The following GALNT13 variants were observed in gnomAD, a reference collection of about 807,000 sequenced individuals.
GALNT13 encodes UDP-GalNAc:polypeptide N-acetylgalactosaminyltransferase 13.
A neutral mutation model predicts 64.2 loss-of-function variants in GALNT13; 28 were observed. That is an observed-to-expected ratio of 0.44 (90% confidence interval 0.32 to 0.60). GALNT13 has a LOEUF of 0.60. Among genes scored for constraint, GALNT13 ranks in the 20% least tolerant of loss-of-function variants. The pLI, the probability that GALNT13 is intolerant of heterozygous loss-of-function variation, is 0.05. For synonymous variants in GALNT13, 214 were observed against 224.6 expected, an observed-to-expected ratio of 0.95 and a Z score of 0.42; for missense variants, 577 against 669.8, an observed-to-expected ratio of 0.86 and a Z score of 1.53.
At chr2:154,456,191 T>TGTTGTTGTTG (rs375591621), downstream of GALNT13, among the ~76,000 whole-genome samples, 30 of 146,344 alleles carry the variant, frequency 2.0e-4, no homozygotes, top group South Asian at 2.2e-4. Context: ...TTTGTTTTGT[T>TGTTGTTGTTG]TTGTTGTTGT....
chr2:153,652,769 C>T, the GALNT13 span, among the ~76,000 whole-genome samples: 1 of 152,094 alleles, frequency 6.6e-6, no homozygotes, highest in Non-Finnish European at 1.5e-5. Context: ...CTTTCTAGTT[C>T]CTTCACCATC....
chr2:153,792,353 G>A, the GALNT13 span, among the ~76,000 whole-genome samples: 6 of 151,928 alleles, frequency 3.9e-5, no homozygotes, highest in Non-Finnish European at 7.4e-5. Context: ...GATTTACATT[G>A]TTTTATGTAT....
At chr2:154,209,708 TTTCATG>T (rs1687661290) in intron 4 of GALNT13, among the ~76,000 whole-genome samples, 1 of 152,168 alleles carries the variant, frequency 6.6e-6, no homozygotes, top group Non-Finnish European at 1.5e-5. Flanking sequence ...AGAGGAATTA[TTTCATG>T]TTCCCTTTTT....
the GALNT13 span, among the ~76,000 whole-genome samples, chr2:153,262,466 A>C: frequency 6.6e-5 from 10 of 152,184 alleles, no homozygotes; most frequent in African/African-American, 2.2e-4. Context: ...CATCATCCTG[A>C]TACCAAAAAC....
the GALNT13 span, among the ~76,000 whole-genome samples, chr2:153,425,709 T>C: frequency 0.21 from 32,141 of 151,690 alleles, 3,644 homozygotes; most frequent in Non-Finnish European, 0.23. Context: ...AGTAAATAGT[T>C]ATTCTTGAAA....
the GALNT13 span, among the ~76,000 whole-genome samples, chr2:153,551,713 T>C: frequency 1.3e-5 from 2 of 152,200 alleles, no homozygotes; most frequent in Non-Finnish European, 2.9e-5. Flanking sequence ...GTGAGAGGGA[T>C]ATCAGGAATT....
At chr2:154,090,115 TATC>T (rs1255294720) in intron 3 of GALNT13, among the ~76,000 whole-genome samples, 1 of 152,082 alleles carries the variant, frequency 6.6e-6, no homozygotes, top group African/African-American at 2.4e-5. Flanking sequence ...GAGTACATAA[TATC>T]ATTGTGAAAG....
chr2:154,374,142 A>T (rs1412620307), intron 9 of GALNT13, among the ~76,000 whole-genome samples: 3 of 152,050 alleles, frequency 2.0e-5, no homozygotes, highest in African/African-American at 7.2e-5. Flanking sequence ...GACTTGGGAG[A>T]CTGAAACCTC....
At chr2:154,278,075 A>G (rs1691748920) in intron 8 of GALNT13, among the ~76,000 whole-genome samples, 1 of 152,194 alleles carries the variant, frequency 6.6e-6, no homozygotes, top group African/African-American at 2.4e-5. Flanking sequence ...TAAGTGGTCA[A>G]CCAAATTCTA....
the GALNT13 span, among the ~76,000 whole-genome samples, chr2:153,488,650 A>G: frequency 6.6e-6 from 1 of 152,164 alleles, no homozygotes; most frequent in Non-Finnish European, 1.5e-5. Flanking sequence ...GTTGAGTCCA[A>G]ATTCTGTAAG....
the GALNT13 span, among the ~76,000 whole-genome samples, chr2:153,399,705 T>C: frequency 3.3e-5 from 5 of 152,194 alleles, no homozygotes; most frequent in Admixed American, 6.5e-5. Flanking sequence ...GGGAGTTCAC[T>C]CATGATTTGG....
chr2:154,139,106 G>A (rs781068905), intron 3 of GALNT13, among the ~76,000 whole-genome samples: 1 of 151,906 alleles, frequency 6.6e-6, no homozygotes, highest in Non-Finnish European at 1.5e-5. Flanking sequence ...GGTCCTTAGA[G>A]ATGCCTATTC....
the GALNT13 span, among the ~76,000 whole-genome samples, chr2:153,631,633 C>G: frequency 6.6e-6 from 1 of 152,116 alleles, no homozygotes; most frequent in Admixed American, 6.5e-5. Flanking sequence ...CTGTTCATAT[C>G]CTTCACCCAC....
chr2:154,440,679 T>A (rs562321176), intron 12 of GALNT13, among the ~76,000 whole-genome samples: 1 of 152,252 alleles, frequency 6.6e-6, no homozygotes, highest in Non-Finnish European at 1.5e-5. Context: ...TTATATAGCT[T>A]AATTAAATTC....
At chr2:153,738,337 T>G in the GALNT13 span, among the ~76,000 whole-genome samples, 2 of 152,182 alleles carry the variant, frequency 1.3e-5, 1 homozygote, top group East Asian at 3.9e-4. Context: ...TGTCCCAACA[T>G]GGAAATTTGA....
intron 9 of GALNT13, among the ~76,000 whole-genome samples, chr2:154,356,561 A>C (rs555796881): frequency 6.6e-6 from 1 of 152,116 alleles, no homozygotes; most frequent in East Asian, 1.9e-4. Flanking sequence ...CATTTACACT[A>C]AATTATTCTA....
At chr2:154,247,565 AAG>A (rs1414971076) in intron 7 of GALNT13, among the ~76,000 whole-genome samples, 1 of 152,058 alleles carries the variant, frequency 6.6e-6, no homozygotes, top group Non-Finnish European at 1.5e-5. Flanking sequence ...GAAGATAACT[AAG>A]AGGTAGCCAG....
At chr2:153,991,665 T>TA (rs909943392) in intron 3 of GALNT13, among the ~76,000 whole-genome samples, 5 of 152,136 alleles carry the variant, frequency 3.3e-5, no homozygotes, top group African/African-American at 1.2e-4. Flanking sequence ...TCCAAGCAAA[T>TA]AATTACACTG....
At chr2:154,217,374 A>T (rs1390734284) in intron 4 of GALNT13, among the ~76,000 whole-genome samples, 1 of 152,138 alleles carries the variant, frequency 6.6e-6, no homozygotes, top group East Asian at 1.9e-4. Context: ...TCATTTAGAA[A>T]CCTGCCTAAT....
Sources: gnomAD v4.1 joint callset for allele counts (sites outside exome capture counted in the v4.1 genomes callset) on GRCh38, gnomAD v4.1.1 for gene constraint, MANE v1.5 for transcripts, NCBI Gene and HGNC (gene_info 2026-07-23, HGNC 2026-07-21) for gene names.